RNF150: variants seen among roughly 807,000 people sequenced by gnomAD.
The protein encoded by RNF150 is ring finger protein 150.
RNF150 carries 24 observed loss-of-function variants against 39.3 expected under a neutral mutation model. That is an observed-to-expected ratio of 0.61 (90% confidence interval 0.44 to 0.86). The LOEUF (loss-of-function observed/expected upper bound fraction) is 0.86, where lower values mean the gene tolerates loss of function less well. RNF150 is among the 40% of genes least tolerant of loss of function. RNF150 has a pLI of 0.00. For missense variants in RNF150, 502 were observed against 587.8 expected (o/e 0.85, Z 1.51); for synonymous variants, 255 against 227.3 (o/e 1.12, Z -1.10).
intron 1 of RNF150, among the ~76,000 whole-genome samples, chr4:141,205,534 A>T (rs185287089): frequency 3.6e-4 from 55 of 152,284 alleles, no homozygotes; most frequent in Admixed American, 1.4e-3. Context: ...TCTTCTAATG[A>T]ATATTTTTGT....
intron 1 of RNF150, among the ~76,000 whole-genome samples, chr4:141,008,336 A>G (rs753888117): frequency 2.5e-4 from 38 of 151,898 alleles, no homozygotes; most frequent in Non-Finnish European, 4.7e-4. Flanking sequence ...CTTTTATTGG[A>G]TATATGTATT....
At chr4:141,131,963 G>T (rs1042691031) in intron 1 of RNF150, among the ~76,000 whole-genome samples, 1 of 152,106 alleles carries the variant, frequency 6.6e-6, no homozygotes, top group African/African-American at 2.4e-5. Flanking sequence ...TGTGGTATCA[G>T]ATCTACTGGT....
rs886144894 is a variant in RNF150, at chr4:141,132,898, TCTC to T, written c.-93_-91del. ...CCCCGGCCAACCCCGGGCCGCTGCCTCTCCTCCTGCTGCTGCTCACTCCCGGGC... is the reference window on the plus strand; with the variant it reads ...CCCCGGCCAACCCCGGGCCGCTGCCTCTCCTGCTGCTGCTCACTCCCGGGC... On this transcript the variant is annotated 5_prime_UTR_variant, in exon 1 of 7. Coordinates refer to ENST00000515673, the MANE Select transcript of RNF150 (RefSeq NM_020724.2). This position sits in a 1 kb window ranked among gnomAD's most constrained non-coding sequence, Gnocchi z 4.9. 1.0e-5 allele frequency: 11 copies of T among 1,086,888 alleles called. No individual in the cohort carries two copies. Among genetic ancestry groups the T allele is most frequent in the South Asian group, 9.8e-5 (7 of 71,762 alleles). 67.3% of individuals were successfully genotyped at this position (1,086,888 alleles called of 1,614,324 possible).
At chr4:141,202,677 T>C (rs1319220993) in intron 1 of RNF150, among the ~76,000 whole-genome samples, 1 of 152,058 alleles carries the variant, frequency 6.6e-6, no homozygotes, top group Admixed American at 6.6e-5. Flanking sequence ...TACATTAGAA[T>C]TATTCTTATT....
chr4:141,000,887 A>G (rs998789291), intron 1 of RNF150, among the ~76,000 whole-genome samples: 5 of 152,246 alleles, frequency 3.3e-5, no homozygotes, highest in Non-Finnish European at 7.3e-5. Flanking sequence ...AATAAGTATG[A>G]CAGTATAAAA....
Position 141,175,204 on chromosome 4 carries a change from C to T in RNF150, c.-6+37590G>A, listed in dbSNP as rs542866703. Among the ~76,000 whole-genome samples, 10 of 152,266 alleles carry T rather than the reference C, an allele frequency of 6.6e-5. No individual in the cohort carries two copies. The East Asian group carries it at 1.4e-3, about 21-fold the overall frequency. On this transcript the variant is annotated intron_variant, in intron 1 of 7. Transcript: ENST00000420921. ...CTGGAGCCAGATTGCCACATTAAGC[C>T]GATTCGCTGTGCAACCTTGGGAAAT...
At chr4:140,872,943 A>G (rs537249149) in intron 6 of RNF150, among the ~76,000 whole-genome samples, 1 of 152,306 alleles carries the variant, frequency 6.6e-6, no homozygotes, top group South Asian at 2.1e-4. Context: ...TAAACCACAG[A>G]AGAGATGAGA....
At chr4:141,004,649 CTA>C (rs1156279243) in intron 1 of RNF150, among the ~76,000 whole-genome samples, 3 of 152,174 alleles carry the variant, frequency 2.0e-5, no homozygotes, top group Non-Finnish European at 4.4e-5. Context: ...GTCATCAATT[CTA>C]TATCTTATAA....
intron 1 of RNF150, among the ~76,000 whole-genome samples, chr4:141,045,677 C>T (rs369731400): frequency 1.8e-4 from 28 of 151,828 alleles, no homozygotes; most frequent in African/African-American, 6.8e-4. Context: ...CTGAGTAGCT[C>T]GGATTACAGG....
At chr4:140,901,021 T>C (rs1235295545) in intron 6 of RNF150, among the ~76,000 whole-genome samples, 2 of 152,146 alleles carry the variant, frequency 1.3e-5, no homozygotes, top group Non-Finnish European at 2.9e-5. Flanking sequence ...TTCTCAAACC[T>C]ACATTATCTC....
chr4:141,012,148 A>T (rs1560687401), intron 1 of RNF150, among the ~76,000 whole-genome samples: 1 of 152,252 alleles, frequency 6.6e-6, no homozygotes, highest in Non-Finnish European at 1.5e-5. Context: ...AATTCACATC[A>T]TAACACAGGG....
intron 1 of RNF150, among the ~76,000 whole-genome samples, chr4:141,141,740 A>T (rs531116212): frequency 1.3e-5 from 2 of 152,134 alleles, no homozygotes; most frequent in Admixed American, 1.3e-4. Flanking sequence ...GGTGGAGGTT[A>T]CAGGGAGGCA....
intron 1 of RNF150, among the ~76,000 whole-genome samples, chr4:141,168,885 T>A: frequency 6.6e-6 from 1 of 152,146 alleles, no homozygotes; most frequent in East Asian, 1.9e-4. Context: ...AGGGCACATG[T>A]ATACCTATGT....
intron 1 of RNF150, among the ~76,000 whole-genome samples, chr4:141,044,496 T>G (rs74809034): frequency 0.033 from 5,044 of 152,268 alleles, 202 homozygotes; most frequent in East Asian, 0.22. Context: ...TACATAAAAT[T>G]TTAATATCCA....
chr4:141,079,736 G>T (rs1231935681), intron 1 of RNF150, among the ~76,000 whole-genome samples: 1 of 152,182 alleles, frequency 6.6e-6, no homozygotes, highest in Non-Finnish European at 1.5e-5. Flanking sequence ...GAAAAATGGG[G>T]CTAGTAACAC....
chr4:141,055,870 T>C (rs777174937), intron 1 of RNF150, among the ~76,000 whole-genome samples: 3 of 152,176 alleles, frequency 2.0e-5, no homozygotes, highest in Non-Finnish European at 4.4e-5. Flanking sequence ...GATGAAAGAA[T>C]TCACACTTCA....
In RNF150 at chr4:140,861,299, T is replaced by G. The variant is rs1353968425; in HGVS notation, c.*6962A>C. On this transcript the variant is annotated 3_prime_UTR_variant, in exon 7 of 7. Transcript: ENST00000515673. ...CACAAACATTCTAGCCAGAGGCATC[T>G]TCTTTGCAAACAGAGCAACATTATC... is the stretch of plus-strand genomic sequence containing the variant. The G allele has an allele frequency of 1.3e-5, 2 of 152,236 alleles. No homozygotes were observed. The highest frequency in any genetic ancestry group is 4.8e-5 in the African/African-American group (2 of 41,478). 9.4% of individuals were successfully genotyped at this position (152,236 alleles called of 1,614,324 possible). A position where few individuals can be genotyped will look rare whatever the true frequency, so the allele number is the denominator to read the frequency against.
Position 141,148,009 on chromosome 4 carries a change from T to A in RNF150, c.-6+64785A>T, listed in dbSNP as rs187617304. 1.4e-4 allele frequency among the ~76,000 whole-genome samples: 21 copies of A among 152,282 alleles called. No individual in the cohort carries two copies. The East Asian group carries it at 3.9e-3, about 28-fold the overall frequency. On this transcript the variant is annotated intron_variant, in intron 1 of 7. Coordinates refer to the RNF150 transcript ENST00000420921. ...ATATTGGTTGGTAACATCCTTAAAA[T>A]ATTTTCTTGTGTCTTTCCTTAATTT... is the stretch of plus-strand genomic sequence containing the variant.
At chr4:141,135,722 C>T (rs1393624175), upstream of RNF150, among the ~76,000 whole-genome samples, 1 of 152,166 alleles carries the variant, frequency 6.6e-6, no homozygotes, top group Non-Finnish European at 1.5e-5. Context: ...GATACTAAGG[C>T]TGATGAGTAG....
Sources: allele counts gnomAD v4.1 joint callset (sites outside exome capture counted in the v4.1 genomes callset), GRCh38; gene constraint gnomAD v4.1.1; non-coding constraint Gnocchi (gnomAD v3.1); transcripts MANE v1.5; gene names NCBI Gene and HGNC (gene_info 2026-07-23, HGNC 2026-07-21).